SH2D4B: variants seen among roughly 807,000 people sequenced by gnomAD.
The protein encoded by SH2D4B is SH2 domain containing 4B.
In SH2D4B, 45 loss-of-function variants were observed where a neutral mutation model predicts 61.5. The ratio of observed to expected loss-of-function variants is 0.73; its 90% CI spans 0.58 to 0.94. The LOEUF is 0.94. SH2D4B is among the 40% of genes least tolerant of loss of function. SH2D4B has a pLI of 0.00. For synonymous variants in SH2D4B, 224 were observed against 220.4 expected (o/e 1.02, Z -0.14); for missense variants, 572 against 574.2 (o/e 1.00, Z 0.04).
intron 6 of SH2D4B, among the ~76,000 whole-genome samples, chr10:80,620,456 C>T (rs993781373): frequency 1.3e-5 from 2 of 152,176 alleles, no homozygotes; most frequent in African/African-American, 2.4e-5. Flanking sequence ...GTCAATTAAA[C>T]CTCTTTTCTT....
intron 7 of SH2D4B, among the ~76,000 whole-genome samples, chr10:80,640,910 C>G (rs571204740): frequency 6.6e-6 from 1 of 152,334 alleles, no homozygotes; most frequent in African/African-American, 2.4e-5. Flanking sequence ...GCTCTGGTTT[C>G]TCCCCATCTT....
chr10:80,601,479 C>T (rs1465600937), intron 4 of SH2D4B, among the ~76,000 whole-genome samples: 2 of 152,228 alleles, frequency 1.3e-5, no homozygotes, highest in Non-Finnish European at 2.9e-5. Context: ...TAGTGCAGCA[C>T]TAAATACTTA....
intron 1 of SH2D4B, among the ~76,000 whole-genome samples, chr10:80,559,985 C>CT (rs144516423): frequency 0.03 from 3,716 of 124,574 alleles, 292 homozygotes; most frequent in East Asian, 0.23. Context: ...TAAAATACAC[C>CT]TTTTTTTTTT....
In SH2D4B at chr10:80,603,720, G is replaced by A. The variant is rs112642060; in HGVS notation, c.785G>A (p.Ser262Asn). Reference protein sequence around the residue: ...LSSMFRELGQSHEQEARLYHH... With the variant: ...LSSMFRELGQNHEQEARLYHH... ...TCCATGTTCCGGGAGCTTGGCCAGAGCCATGAGCAGGAGGCAAGACTCTAC... is the reference window on the plus strand; with the variant it reads ...TCCATGTTCCGGGAGCTTGGCCAGAACCATGAGCAGGAGGCAAGACTCTAC... Residue 262 changes from serine to asparagine, a missense_variant, in exon 5 of 8, where the codon AGC (serine) becomes AAC (asparagine). Physicochemically the swap from Ser to Asn is conservative, Grantham distance 46. Transcript: ENST00000646907. The A allele has an allele frequency of 6.2e-7, 1 of 1,613,648 alleles. No homozygotes were observed. Among genetic ancestry groups the A allele is most frequent in the Non-Finnish European group, 8.5e-7 (1 of 1,179,974 alleles).
At chr10:80,637,632 T>C (rs1840207386) in intron 7 of SH2D4B, among the ~76,000 whole-genome samples, 1 of 152,252 alleles carries the variant, frequency 6.6e-6, no homozygotes, top group African/African-American at 2.4e-5. Flanking sequence ...TGCACATTGA[T>C]TTTGTATCCT....
At chr10:80,608,656 T>TC (rs1301860864) in intron 5 of SH2D4B, among the ~76,000 whole-genome samples, 15 of 151,854 alleles carry the variant, frequency 9.9e-5, no homozygotes, top group Admixed American at 9.9e-4. Flanking sequence ...ATCTACTCCC[T>TC]CGTCTAAACT....
intron 1 of SH2D4B, among the ~76,000 whole-genome samples, chr10:80,554,237 G>A (rs1169968970): frequency 1.3e-5 from 2 of 152,232 alleles, no homozygotes; most frequent in Non-Finnish European, 2.9e-5. Flanking sequence ...TCTGAGAGGG[G>A]CCGTATCCTC....
chr10:80,558,207 CA>C (rs1322697584), intron 1 of SH2D4B, among the ~76,000 whole-genome samples: 4 of 151,934 alleles, frequency 2.6e-5, no homozygotes, highest in African/African-American at 9.7e-5. Context: ...GAACATAACA[CA>C]CATGATTTCA....
In SH2D4B at chr10:80,646,034, C is replaced by A. The variant is rs1488745145; in HGVS notation, c.*1949C>A. The A allele has an allele frequency of 6.6e-6, 1 of 152,544 alleles. No homozygotes were observed. Among genetic ancestry groups the A allele is most frequent in the African/African-American group, 2.4e-5 (1 of 41,448 alleles). The allele number at this position is 152,544 out of a possible 1,614,324, so 9.4% of individuals were successfully genotyped here. On this transcript the variant is annotated 3_prime_UTR_variant, in exon 8 of 8. Transcript: ENST00000646907. The stretch of plus-strand genomic sequence containing the variant: ...ATGTGACTTTGTCCAAGTCATTTAA[C>A]TTCAGTAAACCTCGGTATGACTGAA...
At chr10:80,575,875 T>C (rs2132121939) in intron 3 of SH2D4B, among the ~76,000 whole-genome samples, 1 of 152,314 alleles carries the variant, frequency 6.6e-6, no homozygotes, top group South Asian at 2.1e-4. Context: ...GAACAATAAC[T>C]CCATAATAGT....
intron 6 of SH2D4B, among the ~76,000 whole-genome samples, chr10:80,625,494 A>G (rs1842759117): frequency 6.6e-6 from 1 of 151,612 alleles, no homozygotes; most frequent in Non-Finnish European, 1.5e-5. Context: ...AATAGTTGTA[A>G]TGTATTCTTT....
intron 4 of SH2D4B, among the ~76,000 whole-genome samples, chr10:80,593,932 C>T (rs1842359826): frequency 6.6e-6 from 1 of 152,172 alleles, no homozygotes; most frequent in South Asian, 2.1e-4. Context: ...ACCTCAGTCT[C>T]CTGAGTAGTT....
chr10:80,538,974 A>T lies in SH2D4B; in HGVS notation c.184+459A>T, dbSNP rs890398298. 1.3e-5 allele frequency among the ~76,000 whole-genome samples: 2 copies of T among 152,124 alleles called. No homozygotes were observed. Among genetic ancestry groups the T allele is most frequent in the Non-Finnish European group, 2.9e-5 (2 of 68,006 alleles). On this transcript the variant is annotated intron_variant, in intron 1 of 7. Coordinates refer to ENST00000646907, the MANE Select transcript of SH2D4B (RefSeq NM_001388272.1). The surrounding 1 kb of genome is among the most constrained non-coding windows in gnomAD (Gnocchi z 4.8). ...TTCTTGGCTAGGGCCCCTTCTGTGGACTGTGCCTCTCCCTCCAGATCCTCC... is the reference window on the plus strand; with the variant it reads ...TTCTTGGCTAGGGCCCCTTCTGTGGTCTGTGCCTCTCCCTCCAGATCCTCC...
intron 3 of SH2D4B, among the ~76,000 whole-genome samples, chr10:80,572,945 AATATATATATATATATAT>A (rs869061750): frequency 0.015 from 306 of 20,642 alleles, 5 homozygotes; most frequent in African/African-American, 0.026. Flanking sequence ...GTATGTTGCA[AATATATATATATATATAT>A]ATATATATAT....
rs140538654 is a variant in SH2D4B at position 80,547,336 on chromosome 10, T to C, written c.184+8821T>C. 3.2e-3 allele frequency among the ~76,000 whole-genome samples: 484 copies of C among 152,338 alleles called. 1 individual carries two copies. Among genetic ancestry groups the C allele is most frequent in the African/African-American group, 0.011 (466 of 41,590 alleles). ...GTCATAATATGTTCTTGGGACACCA[T>C]TGATTTTGGCATGCTGATTTTCCTC... On this transcript the variant is annotated intron_variant, in intron 1 of 7. Transcript: ENST00000646907.
chr10:80,574,129 T>C (rs1842095766), intron 3 of SH2D4B, among the ~76,000 whole-genome samples: 1 of 152,190 alleles, frequency 6.6e-6, no homozygotes, highest in Non-Finnish European at 1.5e-5. Context: ...CTTGAAGTGC[T>C]CCACATTTGT....
intron 1 of SH2D4B, among the ~76,000 whole-genome samples, chr10:80,563,148 G>A (rs56219300): frequency 0.036 from 5,508 of 152,012 alleles, 297 homozygotes; most frequent in African/African-American, 0.12. Context: ...TGATCTGCCC[G>A]CTTCGGCCTC....
intron 1 of SH2D4B, among the ~76,000 whole-genome samples, chr10:80,545,012 A>G (rs1198931534): frequency 6.6e-6 from 1 of 151,860 alleles, no homozygotes; most frequent in Non-Finnish European, 1.5e-5. Flanking sequence ...CCCCATCCCA[A>G]TCTCTCTCTT....
intron 3 of SH2D4B, among the ~76,000 whole-genome samples, chr10:80,587,151 G>GTTTTTTTTTTTT (rs58312366): frequency 2.1e-5 from 1 of 48,388 alleles, no homozygotes. Context: ...TTTTTGTTTT[G>GTTTTTTTTTTTT]TTTTTTTTTT....
Sources: gnomAD v4.1 joint callset for allele counts (sites outside exome capture counted in the v4.1 genomes callset) on GRCh38, gnomAD v4.1.1 for gene constraint, Gnocchi (gnomAD v3.1) non-coding constraint, MANE v1.5 for transcripts, NCBI Gene and HGNC (gene_info 2026-07-23, HGNC 2026-07-21) for gene names.